Variants in NAALADL2 observed in about 807,000 individuals in gnomAD.
NAALADL2 encodes the protein N-acetylated alpha-linked acidic dipeptidase like 2.
Under a neutral mutation model 87.2 loss-of-function variants are expected in NAALADL2, and 76 were observed. The observed-to-expected ratio is 0.87, with a 90% CI of 0.72 to 1.05. The LOEUF is 1.05. NAALADL2 is among the 50% of genes least tolerant of loss of function. The pLI is 0.00. For missense variants in NAALADL2, 1,089 were observed against 945.8 expected, an observed-to-expected ratio of 1.15 and a Z score of -1.99; for synonymous variants, 354 against 331.0, an observed-to-expected ratio of 1.07 and a Z score of -0.75.
rs931085814 is a variant in NAALADL2 at position 175,093,584 on chromosome 3, G to T, written c.44-3206G>T. ...ACATTTATATATACTATATTTACAT[G>T]TATTTGATATATAAAATATATAAGA... is the stretch of plus-strand genomic sequence containing the variant. On this transcript the variant is annotated intron_variant, in intron 1 of 13. Coordinates refer to ENST00000454872, the MANE Select transcript of NAALADL2 (RefSeq NM_207015.3). Among the ~76,000 whole-genome samples the T allele has an allele frequency of 2.0e-5, 3 of 148,542 alleles. No individual in the cohort carries two copies. The South Asian group carries it at 6.3e-4, about 31-fold the overall frequency.
intron 1 of NAALADL2, among the ~76,000 whole-genome samples, chr3:174,972,103 T>G (rs1003501952): frequency 6.6e-6 from 1 of 152,094 alleles, no homozygotes; most frequent in African/African-American, 2.4e-5. Flanking sequence ...CCCCTCCATA[T>G]TTTCTTACTC....
chr3:175,231,279 A>G (rs927779572), intron 2 of NAALADL2, among the ~76,000 whole-genome samples: 6 of 146,926 alleles, frequency 4.1e-5, no homozygotes, highest in Non-Finnish European at 9.1e-5. Flanking sequence ...GGCTTTGATA[A>G]TATTAGAGAT....
chr3:175,096,785 C>T lies in NAALADL2; in HGVS notation c.44-5C>T. The T allele has an allele frequency of 6.9e-7, 1 of 1,443,826 alleles. No homozygotes were observed. The highest frequency in any genetic ancestry group is 9.2e-7 in the Non-Finnish European group (1 of 1,092,574). The allele number at this position is 1,443,826 out of a possible 1,614,324, so 89.4% of individuals were successfully genotyped here. ...TATTAAAATATATTTTTCTTATTTT[C>T]ACAGGTAAAAAGATGGCCTATCAGA... On this transcript the variant is annotated splice_region_variant and splice_polypyrimidine_tract_variant and intron_variant, in intron 1 of 13. Coordinates refer to ENST00000454872, the MANE Select transcript of NAALADL2 (RefSeq NM_207015.3).
At chr3:174,579,272 G>A (rs1248373886) in intron 2 of NAALADL2, among the ~76,000 whole-genome samples, 3 of 151,948 alleles carry the variant, frequency 2.0e-5, no homozygotes, top group African/African-American at 7.2e-5. Flanking sequence ...CTTCATAGCA[G>A]CTTTACCAAT....
intron 11 of NAALADL2, among the ~76,000 whole-genome samples, chr3:175,725,738 C>G (rs1742831832): frequency 1.3e-5 from 2 of 151,968 alleles, no homozygotes. Context: ...GCTACGTGGA[C>G]CTTGGGAAAT....
chr3:174,620,204 T>C (rs1447671559), intron 2 of NAALADL2, among the ~76,000 whole-genome samples: 2 of 152,024 alleles, frequency 1.3e-5, no homozygotes, highest in Non-Finnish European at 2.9e-5. Context: ...TTTGAAAGGC[T>C]CTGGGAATAT....
At chr3:174,965,087 A>G (rs1742678390) in intron 1 of NAALADL2, among the ~76,000 whole-genome samples, 1 of 152,102 alleles carries the variant, frequency 6.6e-6, no homozygotes, top group Non-Finnish European at 1.5e-5. Flanking sequence ...AGGGTTTCTC[A>G]TGAGGTAGCA....
intron 1 of NAALADL2, among the ~76,000 whole-genome samples, chr3:174,987,827 T>TATAAATATATATATATATATATATAA (rs1222203525): frequency 2.3e-4 from 30 of 130,370 alleles, no homozygotes; most frequent in African/African-American, 1.1e-3. Flanking sequence ...TATATATATA[T>TATAAATATATATATATATATATATAA]AATGAGACCT....
intron 3 of NAALADL2, among the ~76,000 whole-genome samples, chr3:174,789,290 C>G (rs1378850022): frequency 6.6e-6 from 1 of 152,098 alleles, no homozygotes; most frequent in Non-Finnish European, 1.5e-5. Flanking sequence ...CATTTACTTT[C>G]CCTGCATTTT....
chr3:175,518,482 A>G (rs76530606), intron 9 of NAALADL2, among the ~76,000 whole-genome samples: 1,643 of 152,362 alleles, frequency 0.011, 22 homozygotes, highest in African/African-American at 0.036. Context: ...TTTGTTATTT[A>G]TAACAGAATA....
intron 12 of NAALADL2, among the ~76,000 whole-genome samples, chr3:175,754,035 T>A (rs1746932620): frequency 6.6e-6 from 1 of 152,164 alleles, no homozygotes; most frequent in African/African-American, 2.4e-5. Context: ...AAAGCCTGAT[T>A]CTAATGGTGA....
chr3:175,649,882 C>A (rs1043607720), intron 11 of NAALADL2, among the ~76,000 whole-genome samples: 4 of 152,018 alleles, frequency 2.6e-5, no homozygotes, highest in South Asian at 4.1e-4. Flanking sequence ...CATATCAACA[C>A]ATGAGTTTTA....
intron 2 of NAALADL2, among the ~76,000 whole-genome samples, chr3:174,613,327 T>C (rs1385712881): frequency 1.3e-5 from 2 of 152,292 alleles, no homozygotes; most frequent in South Asian, 2.1e-4. Flanking sequence ...AGTTAGCAGA[T>C]TGACAAGCCA....
intron 1 of NAALADL2, among the ~76,000 whole-genome samples, chr3:174,944,147 G>C (rs1225064275): frequency 6.6e-6 from 1 of 152,136 alleles, no homozygotes; most frequent in African/African-American, 2.4e-5. Flanking sequence ...AAACAGCAAA[G>C]ATGAGGGCCT....
At chr3:174,938,960 A>T (rs1560389215) in intron 1 of NAALADL2, among the ~76,000 whole-genome samples, 1 of 151,904 alleles carries the variant, frequency 6.6e-6, no homozygotes, top group Admixed American at 6.6e-5. Flanking sequence ...ATTTTCTCCC[A>T]TTCTGTAGGT....
intron 2 of NAALADL2, among the ~76,000 whole-genome samples, chr3:174,734,875 C>T (rs937311983): frequency 2.0e-5 from 3 of 152,012 alleles, no homozygotes; most frequent in African/African-American, 7.2e-5. Context: ...ATTATTATTT[C>T]TTATGTAAAG....
At chr3:175,584,815 CTTA>C (rs1171157893) in intron 10 of NAALADL2, among the ~76,000 whole-genome samples, 2 of 152,160 alleles carry the variant, frequency 1.3e-5, no homozygotes, top group Non-Finnish European at 2.9e-5. Context: ...GTATAGGGCA[CTTA>C]TTATGAATGG....
intron 4 of NAALADL2, among the ~76,000 whole-genome samples, chr3:175,261,358 CA>C (rs1475810418): frequency 6.6e-6 from 1 of 151,998 alleles, no homozygotes; most frequent in Non-Finnish European, 1.5e-5. Flanking sequence ...GCAATAATAA[CA>C]AAAAGTTACT....
rs915647005 is a variant in NAALADL2, at chr3:175,808,618, AAC to A, written c.*5417_*5418del. The A allele has an allele frequency of 3.4e-4, 51 of 152,072 alleles. No homozygotes were observed. The highest frequency in any genetic ancestry group is 1.1e-3 in the African/African-American group (46 of 41,546). The allele number at this position is 152,072 out of a possible 1,614,324, so 9.4% of individuals were successfully genotyped here. On this transcript the variant is annotated 3_prime_UTR_variant, in exon 14 of 14. Transcript: ENST00000454872. ...ACTGAGGTAGCTTTTCTCAGAAGGA[AAC>A]AGATTTTATTTTCCAGGGGCTAATT...
Sources: allele counts gnomAD v4.1 joint callset (sites outside exome capture counted in the v4.1 genomes callset), GRCh38; gene constraint gnomAD v4.1.1; transcripts MANE v1.5; gene names NCBI Gene and HGNC (gene_info 2026-07-23, HGNC 2026-07-21).